The following C6orf141 variants were observed in gnomAD, a reference collection of about 807,000 sequenced individuals.
C6orf141 encodes the protein uncharacterized protein C6orf141.
For synonymous variants in C6orf141, 164 were observed against 140.5 expected (o/e 1.17, Z -1.18); for missense variants, 361 against 335.8 (o/e 1.07, Z -0.59).
In C6orf141 at chr6:49,551,259, A is replaced by G. The variant is rs1423214109; in HGVS notation, c.467A>G (p.Lys156Arg). The G allele has an allele frequency of 5.2e-6, 8 of 1,551,446 alleles. No individual in the cohort carries two copies. The highest frequency in any genetic ancestry group is 6.1e-6 in the Non-Finnish European group (7 of 1,146,950). The change falls in exon 1 of 1, where the codon AAA (lysine) becomes AGA (arginine). Residue 156 changes from lysine (K) to arginine (R), a missense_variant. By Grantham distance (26) the Lys-to-Arg change is conservative. Coordinates refer to ENST00000529246, the MANE Select transcript of C6orf141 (RefSeq NM_001145652.2). ...APPRDAADPP[K>R]YVLVRVEDYQ... Reference sequence around the variant, plus strand: ...CCGCGGGACGCAGCAGACCCACCCAAATACGTGCTTGTGCGGGTGGAGGAT... The same window carrying G: ...CCGCGGGACGCAGCAGACCCACCCAGATACGTGCTTGTGCGGGTGGAGGAT...
Position 49,551,619 on chromosome 6 carries a change from A to G in C6orf141, c.*92A>G. On this transcript the variant is annotated 3_prime_UTR_variant, in exon 1 of 1. Coordinates refer to ENST00000529246, the MANE Select transcript of C6orf141 (RefSeq NM_001145652.2). ...GGGAGCTCCAACCTGCAATTAACCT[A>G]CAGAAGGAACCTTTTGAGAGGCTGG... 1.3e-6 allele frequency: 2 copies of G among 1,509,158 alleles called. No homozygotes were observed. The highest frequency in any genetic ancestry group is 1.4e-5 in the African/African-American group (1 of 70,714). 93.5% of individuals were successfully genotyped at this position (1,509,158 alleles called of 1,614,324 possible).
Position 49,551,338 on chromosome 6 carries a change from C to G in C6orf141, c.546C>G (p.Thr182=). The G allele has an allele frequency of 6.4e-7, 1 of 1,551,688 alleles. No individual in the cohort carries two copies. Among genetic ancestry groups the G allele is most frequent in the Non-Finnish European group, 8.7e-7 (1 of 1,146,998 alleles). ...LQTSWAKGRM[T]TRTEEHFVTA... ...CCTCCTGGGCCAAGGGTCGCATGACCACGAGGACTGAGGAGCACTTCGTGA... is the reference window on the plus strand; with the variant it reads ...CCTCCTGGGCCAAGGGTCGCATGACGACGAGGACTGAGGAGCACTTCGTGA... Residue 182 remains threonine (T), a synonymous_variant, in exon 1 of 1, where the codon ACC becomes ACG. Transcript: ENST00000529246.
At chr6:49,558,746 T>G (rs1772600694) in intron 4 of C6orf141, among the ~76,000 whole-genome samples, 1 of 151,976 alleles carries the variant, frequency 6.6e-6, no homozygotes, top group African/African-American at 2.4e-5. Flanking sequence ...CTTGCTCTGT[T>G]GCCCAGGCTG....
intron 4 of C6orf141, among the ~76,000 whole-genome samples, chr6:49,558,283 AAG>A (rs1392687546): frequency 6.6e-6 from 1 of 151,948 alleles, no homozygotes; most frequent in African/African-American, 2.4e-5. Context: ...ATAGTGGAAA[AAG>A]AAAGGCTTTA....
intron 4 of C6orf141, chr6:49,560,500 C>A (rs1003274592): frequency 1.3e-5 from 2 of 152,182 alleles, no homozygotes; most frequent in East Asian, 3.9e-4. Flanking sequence ...AATGATAAAG[C>A]CAGACTAAAA....
chr6:49,550,982 G>A lies in C6orf141; in HGVS notation c.190G>A (p.Asp64Asn), dbSNP rs1200490935. The stretch of plus-strand genomic sequence containing the variant: ...CCGAAGCCAGGGCGGCGGCCACGAG[G>A]ACAGAACGGCAGATCGGGCCCTCGG... ...ASRSQGGGHEDRTADRALGPR... is the reference protein window; with the variant it reads ...ASRSQGGGHENRTADRALGPR... Residue 64 changes from aspartate (D) to asparagine (N), a missense_variant, in exon 1 of 1, where the codon GAC becomes AAC. Transcript: ENST00000529246. 2 of 1,550,950 alleles carry A rather than the reference G, an allele frequency of 1.3e-6. No individual in the cohort carries two copies. The highest frequency in any genetic ancestry group is 1.7e-6 in the Non-Finnish European group (2 of 1,146,888).
At chr6:49,554,333 G>A (rs535387970), downstream of C6orf141, among the ~76,000 whole-genome samples, 106 of 152,294 alleles carry the variant, frequency 7.0e-4, 1 homozygote, top group Admixed American at 2.2e-3. Flanking sequence ...AGCCAAAAAC[G>A]TATTTAGTCA....
At position 49,551,006 on chromosome 6, in the gene C6orf141, G is replaced by T. The variant is rs1053842483; in HGVS notation, c.214G>T (p.Gly72Ter). ...GGACAGAACGGCAGATCGGGCCCTC[G>T]GACCTCGGGCCGGGGAGGAATTGGA... Residue 72 changes from glycine to a stop codon, truncating the protein, a stop_gained and NMD_transcript_variant, in exon 1 of 5, where the codon GGA becomes TGA. Coordinates refer to the C6orf141 transcript ENST00000371194. 5.2e-6 allele frequency: 8 copies of T among 1,551,218 alleles called. No homozygotes were observed. The African/African-American group carries it at 9.6e-5, about 19-fold the overall frequency.
downstream of C6orf141, among the ~76,000 whole-genome samples, chr6:49,554,167 A>G (rs1304319457): frequency 6.6e-6 from 1 of 152,162 alleles, no homozygotes; most frequent in East Asian, 1.9e-4. Flanking sequence ...CAGTCACTGA[A>G]AAGAGTTTAC....
chr6:49,561,149 G>T (rs966031665), intron 4 of C6orf141, among the ~76,000 whole-genome samples: 1 of 150,578 alleles, frequency 6.6e-6, no homozygotes, highest in Non-Finnish European at 1.5e-5. Flanking sequence ...CCAGGCTAGA[G>T]TTAAGTGGCA....
chr6:49,552,457 C>T (rs946824942), downstream of C6orf141: 1 of 152,154 alleles, frequency 6.6e-6, no homozygotes, highest in Non-Finnish European at 1.5e-5. Context: ...TGTGAATTAA[C>T]TCTTTAGTAG....
At chr6:49,558,043 C>T (rs6925445) in intron 4 of C6orf141, among the ~76,000 whole-genome samples, 6,835 of 144,124 alleles carry the variant, frequency 0.047, 283 homozygotes, top group African/African-American at 0.12. Context: ...AAGTGCATGC[C>T]GTTACACTCA....
rs901235075 is a variant in C6orf141 at position 49,551,359 on chromosome 6, C to G, written c.567C>G (p.Phe189Leu). The G allele has an allele frequency of 1.0e-5, 16 of 1,551,582 alleles. No homozygotes were observed. Among genetic ancestry groups the G allele is most frequent in the Non-Finnish European group, 1.4e-5 (16 of 1,146,990 alleles). ...GRMTTRTEEH[F>L]VTALTFRSSR... ...TGACCACGAGGACTGAGGAGCACTT[C>G]GTGACCGCGCTCACTTTTCGCAGCA... Residue 189 changes from phenylalanine (F) to leucine (L), a missense_variant, in exon 1 of 1, where the codon TTC (phenylalanine) becomes TTG (leucine). By Grantham distance (22) the Phe-to-Leu change is conservative. Coordinates refer to ENST00000529246, the MANE Select transcript of C6orf141 (RefSeq NM_001145652.2).
downstream of C6orf141, among the ~76,000 whole-genome samples, chr6:49,554,565 T>A (rs1266651892): frequency 1.3e-5 from 2 of 151,890 alleles, no homozygotes; most frequent in Non-Finnish European, 2.9e-5. Flanking sequence ...GTATTTTTAG[T>A]AGAGACGGGG....
Position 49,551,556 on chromosome 6 carries a change from G to T in C6orf141, c.*29G>T. 1 of 1,544,300 alleles carries T rather than the reference G, an allele frequency of 6.5e-7. No individual in the cohort carries two copies. Among genetic ancestry groups the T allele is most frequent in the Non-Finnish European group, 8.7e-7 (1 of 1,145,748 alleles). ...GTAGCTCGAGAAATGTTCCGGGATG[G>T]TGGATGAGCGATCATCCTTAAAAGA... On this transcript the variant is annotated 3_prime_UTR_variant, in exon 1 of 1. Transcript: ENST00000529246.
chr6:49,551,752 G>A lies in C6orf141; in HGVS notation c.*225G>A. 7.2e-7 allele frequency: 1 copy of A among 1,391,088 alleles called. No individual in the cohort carries two copies. Among genetic ancestry groups the A allele is most frequent in the Non-Finnish European group, 9.3e-7 (1 of 1,071,084 alleles). 86.2% of individuals were successfully genotyped at this position (1,391,088 alleles called of 1,614,324 possible). ...ACCTAAGTCATTCAGAAGAGGTGGA[G>A]AAAAGATATTTTCAGATTGGCAGAA... On this transcript the variant is annotated 3_prime_UTR_variant, in exon 1 of 1. Transcript: ENST00000529246.
In C6orf141 at chr6:49,551,417, C is replaced by A. The variant is rs1561990758; in HGVS notation, c.625C>A (p.Pro209Thr). The A allele has an allele frequency of 1.9e-6, 3 of 1,551,492 alleles. No homozygotes were observed. Among genetic ancestry groups the A allele is most frequent in the Non-Finnish European group, 1.7e-6 (2 of 1,146,978 alleles). ...REGQPGERWG[P>T]AESRALQART... ...GGGACAGCCTGGGGAACGCTGGGGC[C>A]CTGCTGAATCCCGGGCTCTCCAGGC... Residue 209 changes from proline (P) to threonine (T), a missense_variant, in exon 1 of 1, where the codon CCT (proline) becomes ACT (threonine). Physicochemically the swap from Pro to Thr is conservative, Grantham distance 38 (BLOSUM62 -1). Transcript: ENST00000529246.
intron 4 of C6orf141, among the ~76,000 whole-genome samples, chr6:49,561,167 A>G (rs1773253027): frequency 1.3e-5 from 2 of 150,852 alleles, no homozygotes; most frequent in Non-Finnish European, 2.9e-5. Flanking sequence ...GCACGATATC[A>G]GCTCACTGCA....
At position 49,550,739 on chromosome 6, in the gene C6orf141, G is replaced by A; in HGVS notation, c.-54G>A. 1 of 1,404,862 alleles carries A rather than the reference G, an allele frequency of 7.1e-7. No homozygotes were observed. The highest frequency in any genetic ancestry group is 9.4e-7 in the Non-Finnish European group (1 of 1,068,690). 87.0% of individuals were successfully genotyped at this position (1,404,862 alleles called of 1,614,324 possible). On this transcript the variant is annotated 5_prime_UTR_variant, in exon 1 of 1. Coordinates refer to ENST00000529246, the MANE Select transcript of C6orf141 (RefSeq NM_001145652.2). Reference sequence around the variant, plus strand: ...CACACCCAGGGCTTGGTGGTCCCGCGCTTTCCGGAGCTCAGCAGGCGCTTG... The same window carrying A: ...CACACCCAGGGCTTGGTGGTCCCGCACTTTCCGGAGCTCAGCAGGCGCTTG...
Sources: gnomAD v4.1 joint callset for allele counts (sites outside exome capture counted in the v4.1 genomes callset) on GRCh38, gnomAD v4.1.1 for gene constraint, MANE v1.5 for transcripts, NCBI Gene and HGNC (gene_info 2026-07-23, HGNC 2026-07-21) for gene names.